Variants in SLC35F3 observed in about 807,000 individuals in gnomAD.
SLC35F3 encodes the protein putative thiamine transporter SLC35F3.
SLC35F3 carries 25 observed loss-of-function variants against 49.9 expected under a neutral mutation model. The ratio of observed to expected loss-of-function variants is 0.50; its 90% CI spans 0.37 to 0.70. SLC35F3 has a LOEUF of 0.70. Ranked by LOEUF, SLC35F3 falls within the 30% of genes least tolerant of loss-of-function variation. The pLI is 0.00. For missense variants in SLC35F3, 525 were observed against 639.8 expected (o/e 0.82, Z 1.94); for synonymous variants, 275 against 265.4 (o/e 1.04, Z -0.35).
At chr1:233,981,069 G>T (rs1195154734) in intron 2 of SLC35F3, among the ~76,000 whole-genome samples, 1 of 152,188 alleles carries the variant, frequency 6.6e-6, no homozygotes, top group African/African-American at 2.4e-5. Flanking sequence ...GATACAGAAA[G>T]AACAGAAAGA....
At chr1:234,250,641 G>A (rs1295655664) in intron 3 of SLC35F3, among the ~76,000 whole-genome samples, 38 of 133,102 alleles carry the variant, frequency 2.9e-4, no homozygotes, top group Middle Eastern at 5.3e-3. Context: ...GCGACAGAGC[G>A]AGACTCCGTC....
chr1:233,950,753 T>C (rs1211679418), intron 2 of SLC35F3, among the ~76,000 whole-genome samples: 1 of 152,170 alleles, frequency 6.6e-6, no homozygotes, highest in Non-Finnish European at 1.5e-5. Flanking sequence ...CTTTATTTTT[T>C]CTCATCAGAG....
At chr1:234,055,605 C>T (rs140821880) in intron 2 of SLC35F3, among the ~76,000 whole-genome samples, 12 of 152,244 alleles carry the variant, frequency 7.9e-5, no homozygotes, top group South Asian at 2.1e-4. Context: ...TTGTGCTTCC[C>T]GGGTGAGGTG....
At chr1:234,010,048 T>C (rs1663691983) in intron 2 of SLC35F3, among the ~76,000 whole-genome samples, 1 of 152,194 alleles carries the variant, frequency 6.6e-6, no homozygotes, top group African/African-American at 2.4e-5. Flanking sequence ...AACTTGATGG[T>C]ATAAGTAATA....
chr1:234,217,629 C>A (rs551617208), intron 2 of SLC35F3, among the ~76,000 whole-genome samples: 7 of 151,138 alleles, frequency 4.6e-5, no homozygotes, highest in Non-Finnish European at 7.4e-5. Context: ...GAGAAGGAGG[C>A]CTTTCTAAGA....
chr1:234,082,114 C>G (rs879683480), intron 2 of SLC35F3, among the ~76,000 whole-genome samples: 53 of 151,822 alleles, frequency 3.5e-4, no homozygotes, highest in Non-Finnish European at 5.9e-4. Flanking sequence ...CAAAGAGGGA[C>G]TGAATTTTAT....
chr1:234,220,300 G>A (rs911607545), intron 2 of SLC35F3, among the ~76,000 whole-genome samples: 1 of 148,736 alleles, frequency 6.7e-6, no homozygotes, highest in African/African-American at 2.6e-5. Context: ...AGGGGTGTGT[G>A]TGTGTGTGTG....
intron 3 of SLC35F3, among the ~76,000 whole-genome samples, chr1:234,247,605 T>A (rs1667655607): frequency 6.6e-6 from 1 of 152,198 alleles, no homozygotes; most frequent in Middle Eastern, 3.2e-3. Context: ...GTTGAATGGC[T>A]GGTCTATTGT....
intron 2 of SLC35F3, among the ~76,000 whole-genome samples, chr1:233,920,086 A>G (rs1662034844): frequency 6.6e-6 from 1 of 152,230 alleles, no homozygotes; most frequent in Non-Finnish European, 1.5e-5. Context: ...AAGAGATTAC[A>G]CAGGAGTTCA....
At chr1:234,011,114 T>G (rs2102837591) in intron 2 of SLC35F3, among the ~76,000 whole-genome samples, 1 of 152,288 alleles carries the variant, frequency 6.6e-6, no homozygotes, top group Middle Eastern at 3.4e-3. Context: ...CTTCTAATAT[T>G]AAATACTGAA....
intron 2 of SLC35F3, among the ~76,000 whole-genome samples, chr1:233,974,498 A>AAACTAATTTTATT (rs1184099193): frequency 6.6e-6 from 1 of 152,146 alleles, no homozygotes; most frequent in African/African-American, 2.4e-5. Context: ...GTTCTCTAAT[A>AAACTAATTTTATT]AAACTAATTT....
chr1:234,167,410 TG>T (rs1206037362), intron 2 of SLC35F3, among the ~76,000 whole-genome samples: 1 of 152,136 alleles, frequency 6.6e-6, no homozygotes, highest in Non-Finnish European at 1.5e-5. Flanking sequence ...GAGTGCCCAG[TG>T]GGGATGTGCA....
chr1:234,304,328 T>C (rs1668744407), intron 3 of SLC35F3, among the ~76,000 whole-genome samples: 1 of 151,964 alleles, frequency 6.6e-6, no homozygotes, highest in South Asian at 2.1e-4. Flanking sequence ...CACCAGATAA[T>C]TTTTATATTT....
At chr1:234,198,853 T>G (rs116374008) in intron 2 of SLC35F3, among the ~76,000 whole-genome samples, 1 of 152,244 alleles carries the variant, frequency 6.6e-6, no homozygotes, top group African/African-American at 2.4e-5. Context: ...AAAGATATCT[T>G]GAGCAAAAAG....
At chr1:234,260,506 G>T (rs1361453604) in intron 3 of SLC35F3, among the ~76,000 whole-genome samples, 1 of 152,178 alleles carries the variant, frequency 6.6e-6, no homozygotes, top group Non-Finnish European at 1.5e-5. Flanking sequence ...ATCCCAGAGA[G>T]CCCTCTGGAC....
At chr1:234,157,912 G>A (rs1572074078) in intron 2 of SLC35F3, among the ~76,000 whole-genome samples, 1 of 152,156 alleles carries the variant, frequency 6.6e-6, no homozygotes. Flanking sequence ...TGGTACATAC[G>A]TCAATATTTT....
chr1:234,099,800 G>A (rs527484956), intron 2 of SLC35F3, among the ~76,000 whole-genome samples: 1 of 152,246 alleles, frequency 6.6e-6, no homozygotes, highest in South Asian at 2.1e-4. Context: ...GAAGGATCTA[G>A]TGGAGAAGAA....
chr1:233,996,730 G>T (rs1363332380), intron 2 of SLC35F3, among the ~76,000 whole-genome samples: 1 of 152,172 alleles, frequency 6.6e-6, no homozygotes, highest in African/African-American at 2.4e-5. Context: ...GGTTGGGAGG[G>T]ACCAGGCTCT....
intron 2 of SLC35F3, among the ~76,000 whole-genome samples, chr1:234,162,410 A>C (rs1295047943): frequency 9.4e-6 from 1 of 105,918 alleles, no homozygotes; most frequent in Non-Finnish European, 2.0e-5. Context: ...AAAAAAAAAA[A>C]GCAATCTTTA....
Sources: gnomAD v4.1 joint callset for allele counts (sites outside exome capture counted in the v4.1 genomes callset) on GRCh38, gnomAD v4.1.1 for gene constraint, MANE v1.5 for transcripts, NCBI Gene and HGNC (gene_info 2026-07-23, HGNC 2026-07-21) for gene names.